The following COL4A5 variants were observed in gnomAD, a reference collection of about 807,000 sequenced individuals.
COL4A5 encodes collagen alpha-5(IV) chain.
COL4A5 carries 26 observed loss-of-function variants against 130.2 expected under a neutral mutation model. The observed-to-expected ratio is 0.20, with a 90% CI of 0.15 to 0.28. The LOEUF is 0.28. Among genes scored for constraint, COL4A5 ranks in the 10% least tolerant of loss-of-function variants. The pLI, the probability that COL4A5 is intolerant of heterozygous loss-of-function variation, is 1.00. For synonymous variants in COL4A5, 496 were observed against 439.6 expected, an observed-to-expected ratio of 1.13 and a Z score of -1.60; for missense variants, 1,131 against 1,344.3, an observed-to-expected ratio of 0.84 and a Z score of 2.48.
chrX:108,616,661 C>T (rs1465386372), intron 30 of COL4A5, among the ~76,000 whole-genome samples: 3 of 110,526 alleles, frequency 2.7e-5, no homozygotes, highest in Admixed American at 9.7e-5. Flanking sequence ...CAGCTGAGTG[C>T]GAATAAAAAA....
At chrX:108,476,098 C>T in intron 1 of COL4A5, among the ~76,000 whole-genome samples, 1 of 111,482 alleles carries the variant, frequency 9.0e-6, no homozygotes, top group East Asian at 2.8e-4. Context: ...AAGGGATATC[C>T]TTTACCAGAT....
At chrX:108,596,039 C>T (rs965924111) in intron 22 of COL4A5, among the ~76,000 whole-genome samples, 1 of 111,111 alleles carries the variant, frequency 9.0e-6, no homozygotes, top group Non-Finnish European at 1.9e-5. Context: ...GCCAGTATTC[C>T]TCTCTCTCTA....
intron 36 of COL4A5, chrX:108,627,252 AT>A: frequency 1.7e-6 from 1 of 593,456 alleles, no homozygotes; most frequent in Non-Finnish European, 2.0e-6. Flanking sequence ...TTATTAAAAA[AT>A]AATATAGACA....
intron 47 of COL4A5, among the ~76,000 whole-genome samples, chrX:108,682,776 T>A (rs2068459930): frequency 8.9e-6 from 1 of 111,975 alleles, no homozygotes; most frequent in South Asian, 3.7e-4. Flanking sequence ...TTAAGTTCCT[T>A]GTAGATTCTG....
Position 108,692,788 on chromosome X carries a change from T to A in COL4A5, c.4569T>A (p.Pro1523=). 8.3e-7 allele frequency: 1 copy of A among 1,211,427 alleles called. No individual in the cohort carries two copies. The highest frequency in any genetic ancestry group is 1.1e-6 in the Non-Finnish European group (1 of 895,321). The stretch of plus-strand genomic sequence containing the variant: ...GCCTTCGTCGCTTTAGTACCATGCC[T>A]TTCATGTTCTGCAACATCAATAATG... ...GSCLRRFSTM[P]FMFCNINNVC... is the part of the protein sequence containing the mutation. Residue 1523 remains proline, a synonymous_variant, in exon 50 of 53, where the codon CCT becomes CCA. Transcript: ENST00000328300.
At chrX:108,612,421 T>G (rs1217984685) in intron 29 of COL4A5, among the ~76,000 whole-genome samples, 2 of 111,166 alleles carry the variant, frequency 1.8e-5, no homozygotes, top group Non-Finnish European at 3.8e-5. Flanking sequence ...CTACAAAAAT[T>G]TACTAGAACT....
intron 37 of COL4A5, among the ~76,000 whole-genome samples, chrX:108,659,062 A>G (rs1373838390): frequency 9.0e-6 from 1 of 110,894 alleles, no homozygotes; most frequent in East Asian, 2.8e-4. Flanking sequence ...GAGTGCTCAA[A>G]CCATATCCCA....
At chrX:108,479,871 C>G (rs990867289) in intron 1 of COL4A5, among the ~76,000 whole-genome samples, 18 of 111,582 alleles carry the variant, frequency 1.6e-4, no homozygotes, top group Admixed American at 1.4e-3. Context: ...AGTAACAGGC[C>G]AAGAGCTGTC....
At chrX:108,443,034 T>G (rs2064417466) in intron 1 of COL4A5, 1 of 111,795 alleles carries the variant, frequency 8.9e-6, no homozygotes. Context: ...TACTGCCTAC[T>G]TTGTATGTGG....
intron 19 of COL4A5, among the ~76,000 whole-genome samples, chrX:108,589,405 A>G (rs2066394948): frequency 9.0e-6 from 1 of 111,105 alleles, no homozygotes; most frequent in African/African-American, 3.3e-5. Flanking sequence ...AATAGAAAAT[A>G]AAATATAAGG....
chrX:108,666,535 A>G lies in COL4A5; in HGVS notation c.3494A>G (p.Glu1165Gly). 1 of 1,207,495 alleles carries G rather than the reference A, an allele frequency of 8.3e-7. No individual in the cohort carries two copies. Among genetic ancestry groups the G allele is most frequent in the Non-Finnish European group, 1.1e-6 (1 of 892,739 alleles). The change falls in exon 39 of 53, where the codon GAA (glutamate) becomes GGA (glycine). Residue 1165 changes from glutamate to glycine, a missense_variant. Transcript: ENST00000328300. The part of the protein sequence containing the change: ...GHPGQPGPPG[E>G]KGKPGQDGIP... Reference sequence around the variant, plus strand: ...CCTGGGCAACCAGGGCCTCCAGGCGAAAAAGGCAAACCCGGTCAAGATGGT... The same window carrying G: ...CCTGGGCAACCAGGGCCTCCAGGCGGAAAAGGCAAACCCGGTCAAGATGGT...
At chrX:108,539,042 A>G (rs1385772411) in intron 1 of COL4A5, among the ~76,000 whole-genome samples, 1 of 111,638 alleles carries the variant, frequency 9.0e-6, no homozygotes, top group Non-Finnish European at 1.9e-5. Context: ...GTGGTAAAAG[A>G]TAGTGTTATA....
rs149228661 is a variant in COL4A5, at chrX:108,597,473, G to A, written c.1684G>A (p.Glu562Lys). ...TFPGMKGDKG[E>K]LGSPGAPGLP... is the part of the protein sequence containing the mutation. ...TCCAGGAATGAAGGGTGACAAAGGA[G>A]AGTTGGGTTCCCCTGGAGCTCCAGG... The change falls in exon 24 of 53, where the codon GAG (glutamate) becomes AAG (lysine). Residue 562 changes from glutamate to lysine, a missense_variant. Coordinates refer to ENST00000328300, the MANE Select transcript of COL4A5 (RefSeq NM_033380.3). 2.5e-5 allele frequency: 30 copies of A among 1,208,363 alleles called. No individual in the cohort carries two copies. In the African/African-American group the frequency reaches 5.1e-4, roughly 21 times the overall value.
At chrX:108,488,126 C>T (rs1012009908) in intron 1 of COL4A5, among the ~76,000 whole-genome samples, 11 of 112,213 alleles carry the variant, frequency 9.8e-5, no homozygotes, top group Non-Finnish European at 2.1e-4. Flanking sequence ...CACAGTTCTT[C>T]CCAGAGGCAA....
chrX:108,642,329 A>G (rs2067484965), intron 36 of COL4A5, among the ~76,000 whole-genome samples: 1 of 110,857 alleles, frequency 9.0e-6, no homozygotes, highest in Admixed American at 9.6e-5. Flanking sequence ...CAAAGGGCAT[A>G]TAATCTTGAG....
chrX:108,629,747 T>TGC (rs2067218689), intron 36 of COL4A5, among the ~76,000 whole-genome samples: 1 of 111,142 alleles, frequency 9.0e-6, no homozygotes, highest in Non-Finnish European at 1.9e-5. Context: ...ATGTGCCGTA[T>TGC]TGGTTTGTTG....
At chrX:108,664,326 C>A (rs918059454) in intron 37 of COL4A5, among the ~76,000 whole-genome samples, 1 of 111,952 alleles carries the variant, frequency 8.9e-6, no homozygotes, top group Non-Finnish European at 1.9e-5. Context: ...AAAGCAAATT[C>A]TTTTCAACAA....
At chrX:108,500,299 C>T (rs1291225495) in intron 1 of COL4A5, among the ~76,000 whole-genome samples, 3 of 112,079 alleles carry the variant, frequency 2.7e-5, no homozygotes, top group African/African-American at 9.7e-5. Flanking sequence ...GTCTTTCAGG[C>T]TCCCATGAGA....
In COL4A5 at chrX:108,655,346, C is replaced by T. The variant is rs2067818149; in HGVS notation, c.3262C>T (p.Pro1088Ser). 8.3e-7 allele frequency: 1 copy of T among 1,210,115 alleles called. No homozygotes were observed. The highest frequency in any genetic ancestry group is 1.1e-6 in the Non-Finnish European group (1 of 894,802). Reference protein sequence around the residue: ...LPGPKGEPGLPGYPGNPGIKG... With the variant: ...LPGPKGEPGLSGYPGNPGIKG... Reference sequence around the variant, plus strand: ...GTGTTTTCAGGGTGAGCCTGGTCTGCCTGGATACCCAGGGAACCCTGGTAT... The same window carrying T: ...GTGTTTTCAGGGTGAGCCTGGTCTGTCTGGATACCCAGGGAACCCTGGTAT... The change falls in exon 37 of 53, where the codon CCT (proline) becomes TCT (serine). Residue 1088 changes from proline to serine, a missense_variant. Physicochemically the swap from Pro to Ser is moderately conservative, Grantham distance 74. Transcript: ENST00000328300.
Sources: gnomAD v4.1 joint callset for allele counts (sites outside exome capture counted in the v4.1 genomes callset) on GRCh38, gnomAD v4.1.1 for gene constraint, MANE v1.5 for transcripts, NCBI Gene and HGNC (gene_info 2026-07-23, HGNC 2026-07-21) for gene names.